The following C3 variants were observed in gnomAD, a reference collection of about 807,000 sequenced individuals.
The protein encoded by C3 is C3 and PZP-like alpha-2-macroglobulin domain-containing protein 1.
Under a neutral mutation model 207.9 loss-of-function variants are expected in C3, and 97 were observed. That is an observed-to-expected ratio of 0.47 (90% CI 0.40 to 0.55). The LOEUF (loss-of-function observed/expected upper bound fraction) is 0.55, where lower values mean the gene tolerates loss of function less well. Among genes scored for constraint, C3 ranks in the 20% least tolerant of loss-of-function variants. The pLI, the probability that C3 is intolerant of heterozygous loss-of-function variation, is 0.00. For missense variants in C3, 1,684 were observed against 2,171.7 expected, an observed-to-expected ratio of 0.78 and a Z score of 4.46; for synonymous variants, 848 against 857.6, an observed-to-expected ratio of 0.99 and a Z score of 0.20.
chr19:6,682,705 T>C (rs1347083228), intron 33 of C3: 4 of 203,274 alleles, frequency 2.0e-5, no homozygotes, highest in South Asian at 8.6e-5. Flanking sequence ...AGCATCATAA[T>C]TGAGGGCCAA....
chr19:6,677,810 C>G lies in C3; in HGVS notation c.*72G>C. 6.3e-7 allele frequency: 1 copy of G among 1,593,608 alleles called. No individual in the cohort carries two copies. Among genetic ancestry groups the G allele is most frequent in the Non-Finnish European group, 8.6e-7 (1 of 1,166,098 alleles). ...GGCGGCTGGGGATTTCAGCCTCTCC[C>G]TCTTGGCAAAGAACTCCAGACACGT... On this transcript the variant is annotated 3_prime_UTR_variant, in exon 41 of 41. Coordinates refer to ENST00000245907, the MANE Select transcript of C3 (RefSeq NM_000064.4).
At position 6,712,305 on chromosome 19, in the gene C3, G is replaced by A. The variant is rs748685394; in HGVS notation, c.1221C>T (p.Ala407=). ...TGGGGTGTGTGTTGATGCTGAGTTTGGCCACGCCATCTCCCTGGGTTAGAG... is the reference window on the plus strand; with the variant it reads ...TGGGGTGTGTGTTGATGCTGAGTTTAGCCACGCCATCTCCCTGGGTTAGAG... ...VQSLTQGDGV[A]KLSINTHPSQ... Residue 407 remains alanine, a synonymous_variant, in exon 11 of 41, where the codon GCC becomes GCT. Coordinates refer to ENST00000245907, the MANE Select transcript of C3 (RefSeq NM_000064.4). The A allele has an allele frequency of 1.1e-5, 18 of 1,614,132 alleles. No homozygotes were observed. Among genetic ancestry groups the A allele is most frequent in the Admixed American group, 1.7e-5 (1 of 60,016 alleles).
At position 6,710,717 on chromosome 19, in the gene C3, C is replaced by A. The variant is rs781333243; in HGVS notation, c.1608G>T (p.Thr536=). 5 of 1,613,674 alleles carry A rather than the reference C, an allele frequency of 3.1e-6. No homozygotes were observed. The highest frequency in any genetic ancestry group is 4.2e-6 in the Non-Finnish European group (5 of 1,180,036). Residue 536 remains threonine (T), a synonymous_variant, in exon 13 of 41, where the codon ACG becomes ACT. Transcript: ENST00000245907. The stretch of plus-strand genomic sequence containing the variant: ...CCCTCTGGCCGCTGGCACCGATCAG[C>A]GTGTAGTACGCCACCAGGCGGAAGG... ...IPSFRLVAYY[T]LIGASGQREV...
Position 6,702,132 on chromosome 19 carries a change from T to C in C3, c.2435A>G (p.Lys812Arg), listed in dbSNP as rs1162803547. The C allele has an allele frequency of 1.9e-6, 3 of 1,584,300 alleles. No homozygotes were observed. The highest frequency in any genetic ancestry group is 2.6e-6 in the Non-Finnish European group (3 of 1,154,276). Residue 812 changes from lysine (K) to arginine (R), a missense_variant, in exon 19 of 41, where the codon AAG becomes AGG. Physicochemically the swap from Lys to Arg is conservative, Grantham distance 26 (BLOSUM62 2). Coordinates refer to ENST00000245907, the MANE Select transcript of C3 (RefSeq NM_000064.4). The part of the protein sequence containing the change: ...WEILAVSMSD[K>R]KGICVADPFE... ...CAGCCAGCATCCTCTCTCACCTTTC[T>C]TGTCCGACATGCTCACAGCCAGAAT... is the stretch of plus-strand genomic sequence containing the variant.
intron 27 of C3, 58 bp downstream of exon 27, chr19:6,690,571 G>T: frequency 7.4e-7 from 1 of 1,357,490 alleles, no homozygotes; most frequent in Non-Finnish European, 1.1e-6. Context: ...ACTCTCCAAG[G>T]TGGCTGTGCT....
At chr19:6,708,096 T>TTC (rs10659507) in intron 14 of C3, among the ~76,000 whole-genome samples, 167 bp from the exon 15 acceptor site, 3 of 150,312 alleles carry the variant, frequency 2.0e-5, no homozygotes, top group Admixed American at 6.6e-5. Context: ...CCTTCCTTCC[T>TTC]TCTCTCTCCT....
At chr19:6,718,984 G>T (rs1333205211) in intron 2 of C3, among the ~76,000 whole-genome samples, 3 of 23,984 alleles carry the variant, frequency 1.3e-4, no homozygotes, top group Non-Finnish European at 2.8e-4. Flanking sequence ...AGAAGGGGTG[G>T]GGGGGGGTCT....
chr19:6,712,496 C>T lies in C3; in HGVS notation c.1119+12G>A. On this transcript the variant is annotated intron_variant, in intron 10 of 40. Coordinates refer to ENST00000245907, the MANE Select transcript of C3 (RefSeq NM_000064.4). ...AGGGAGGAGTGGGACCCCTTCCCGC[C>T]CCGGGTCTCACCATGAGGTCAAAGG... The T allele has an allele frequency of 1.2e-6, 2 of 1,613,980 alleles. No individual in the cohort carries two copies. Among genetic ancestry groups the T allele is most frequent in the South Asian group, 2.2e-5 (2 of 91,076 alleles).
rs1406717691 is a variant in C3, at chr19:6,711,082, G to C, written c.1384C>G (p.Arg462Gly). 4 of 1,613,968 alleles carry C rather than the reference G, an allele frequency of 2.5e-6. No individual in the cohort carries two copies. In the Admixed American group the frequency reaches 6.7e-5, roughly 27 times the overall value. ...GTCTCCCCGGGTCTGAGCTCTGTACGTAGCACTGAGAGATGCAGGTAATTG... is the reference window on the plus strand; with the variant it reads ...GTCTCCCCGGGTCTGAGCTCTGTACCTAGCACTGAGAGATGCAGGTAATTG... ...SNNYLHLSVL[R>G]TELRPGETLN... The change falls in exon 12 of 41, where the codon CGT (arginine) becomes GGT (glycine). Residue 462 changes from arginine to glycine, a missense_variant. By Grantham distance (125) the Arg-to-Gly change is moderately radical. Around this residue, in one of 3 missense-constraint regions of C3, gnomAD observed 1,280 missense variants for 1,739.1 expected, o/e 0.74. Coordinates refer to ENST00000245907, the MANE Select transcript of C3 (RefSeq NM_000064.4).
rs776885748 is a variant in C3 at position 6,710,629 on chromosome 19, G to A, written c.1686+10C>T. ...GGGAGAGGGGGCGAGCGAGCCCAGG[G>A]CACACTTACCGAGCCCACGCAGGAG... On this transcript the variant is annotated intron_variant, in intron 13 of 40. Transcript: ENST00000245907. 22 of 1,610,588 alleles carry A rather than the reference G, an allele frequency of 1.4e-5. No homozygotes were observed. The East Asian group carries it at 4.7e-4, about 34-fold the overall frequency.
chr19:6,678,993 A>G, intron 38 of C3, 132 bp downstream of exon 38: 4 of 741,766 alleles, frequency 5.4e-6, no homozygotes, highest in Non-Finnish European at 9.8e-6. Flanking sequence ...CTCACAATAC[A>G]TGCTCTCACA....
intron 17 of C3, among the ~76,000 whole-genome samples, chr19:6,705,949 C>T (rs139235838): frequency 1.4e-4 from 22 of 152,212 alleles, no homozygotes; most frequent in Admixed American, 5.9e-4. Flanking sequence ...GCTGCGATTG[C>T]CGGTGTGAGC....
Position 6,693,027 on chromosome 19 carries a change from T to A in C3, c.3287A>T (p.Asp1096Val). ...AACAGCCCCGCAGAGGACTTGGGAG[T>A]CGATGGCGATGAGGTTGACAGCCAG... is the stretch of plus-strand genomic sequence containing the variant. Reference protein sequence around the residue: ...FSLAVNLIAIDSQVLCGAVKW... With the variant: ...FSLAVNLIAIVSQVLCGAVKW... Residue 1096 changes from aspartate (D) to valine (V), a missense_variant, in exon 26 of 41, where the codon GAC becomes GTC. By Grantham distance (152) the Asp-to-Val change is radical. Coordinates refer to ENST00000245907, the MANE Select transcript of C3 (RefSeq NM_000064.4). The A allele has an allele frequency of 6.2e-7, 1 of 1,613,896 alleles. No homozygotes were observed. Among genetic ancestry groups the A allele is most frequent in the Non-Finnish European group, 8.5e-7 (1 of 1,179,980 alleles).
Position 6,684,567 on chromosome 19 carries a change from C to T in C3, c.4113G>A (p.Pro1371=), listed in dbSNP as rs374398807. 34 of 1,612,998 alleles carry T rather than the reference C, an allele frequency of 2.1e-5. No individual in the cohort carries two copies. Among genetic ancestry groups the T allele is most frequent in the East Asian group, 1.3e-4 (6 of 44,894 alleles). ...GGCCTTGATTCCTTTTACCTGTTTCCGGTGCTGGTTTTATGGTGACCTTGA... is the reference window on the plus strand; with the variant it reads ...GGCCTTGATTCCTTTTACCTGTTTCTGGTGCTGGTTTTATGGTGACCTTGA... The part of the protein sequence containing the change: ...FDLKVTIKPA[P]ETEKRPQDAK... Residue 1371 remains proline (P), a synonymous_variant, in exon 32 of 41, where the codon CCG becomes CCA. Coordinates refer to ENST00000245907, the MANE Select transcript of C3 (RefSeq NM_000064.4).
chr19:6,707,581 C>A (rs776499187), intron 15 of C3, 44 bp from the exon 16 acceptor site: 2 of 1,604,826 alleles, frequency 1.2e-6, no homozygotes, highest in South Asian at 2.2e-5. Flanking sequence ...GAGGCACCTA[C>A]TAGGTGTCCT....
Position 6,694,603 on chromosome 19 carries a change from G to C in C3, c.2982C>G (p.Ala994=). The change falls in exon 24 of 41, where the codon GCC becomes GCG. Residue 994 remains alanine, a synonymous_variant. Transcript: ENST00000245907. ...GTPVAQMTED[A]VDAERLKHLI... Reference sequence around the variant, plus strand: ...GGTGCTTCAGCCGTTCCGCGTCGACGGCATCCTCTGTCATCTGGGCCACTG... The same window carrying C: ...GGTGCTTCAGCCGTTCCGCGTCGACCGCATCCTCTGTCATCTGGGCCACTG... The C allele has an allele frequency of 6.2e-7, 1 of 1,613,392 alleles. No homozygotes were observed. Among genetic ancestry groups the C allele is most frequent in the South Asian group, 1.1e-5 (1 of 91,088 alleles).
chr19:6,683,421 C>A (rs1917914042), intron 33 of C3: 1 of 148,168 alleles, frequency 6.7e-6, no homozygotes, highest in African/African-American at 2.5e-5. Context: ...TTTCATTTCC[C>A]TGTATCTTTA....
At chr19:6,718,023 G>A in intron 4 of C3, 71 bp downstream of exon 4, 2 of 1,456,000 alleles carry the variant, frequency 1.4e-6, no homozygotes, top group South Asian at 1.1e-5. Context: ...GTCTTTCTCT[G>A]TCTCTCTCGA....
At chr19:6,698,245 G>A (rs1471970779) in intron 19 of C3, among the ~76,000 whole-genome samples, 2 of 151,988 alleles carry the variant, frequency 1.3e-5, no homozygotes, top group Non-Finnish European at 2.9e-5. Flanking sequence ...TCGATCTCTT[G>A]ACCTCACGAT....
Sources: allele counts gnomAD v4.1 joint callset (sites outside exome capture counted in the v4.1 genomes callset), GRCh38; gene constraint gnomAD v4.1.1; regional missense constraint gnomAD v4.1.1; transcripts MANE v1.5; gene names NCBI Gene and HGNC (gene_info 2026-07-23, HGNC 2026-07-21).